Variants in ZNF567 observed in about 807,000 individuals in gnomAD.
ZNF567 encodes the protein zinc finger protein 567.
In ZNF567, 36 loss-of-function variants were observed where a neutral mutation model predicts 53.9. The ratio of observed to expected loss-of-function variants is 0.67; its 90% confidence interval spans 0.51 to 0.88. The LOEUF (loss-of-function observed/expected upper bound fraction) is 0.88. ZNF567 is among the 40% of genes least tolerant of loss of function. The pLI is 0.00. For synonymous variants in ZNF567, 224 were observed against 260.4 expected (o/e 0.86, Z 1.35); for missense variants, 619 against 764.7 (o/e 0.81, Z 2.25).
intron 3 of ZNF567, among the ~76,000 whole-genome samples, chr19:36,699,037 G>T (rs1392783160): frequency 6.6e-6 from 1 of 152,046 alleles, no homozygotes; most frequent in African/African-American, 2.4e-5. Context: ...TTTTCTTCTA[G>T]GGTTTTTATG....
the ZNF567 span, among the ~76,000 whole-genome samples, chr19:36,677,638 G>A: frequency 2.7e-5 from 4 of 150,514 alleles, no homozygotes; most frequent in Admixed American, 1.3e-4. Flanking sequence ...ATGGTGGTGC[G>A]CGCCTGTAGT....
chr19:36,717,875 AC>A (rs1432078476), intron 5 of ZNF567, among the ~76,000 whole-genome samples: 3 of 152,234 alleles, frequency 2.0e-5, no homozygotes, highest in Non-Finnish European at 4.4e-5. Flanking sequence ...CCAGTCTTAA[AC>A]CTGGAAAAGT....
intron 2 of ZNF567, among the ~76,000 whole-genome samples, chr19:36,693,145 G>T (rs186075679): frequency 1.3e-5 from 2 of 151,976 alleles, no homozygotes; most frequent in East Asian, 3.9e-4. Flanking sequence ...AAAGTTAGCC[G>T]GTCTTGATGG....
At chr19:36,701,893 T>C (rs1174170026) in intron 3 of ZNF567, among the ~76,000 whole-genome samples, 1 of 150,808 alleles carries the variant, frequency 6.6e-6, no homozygotes, top group African/African-American at 2.4e-5. Context: ...CCAGTCTGTG[T>C]CTTTTAATTG....
intron 2 of ZNF567, among the ~76,000 whole-genome samples, chr19:36,690,368 G>A (rs2038535278): frequency 6.6e-6 from 1 of 152,130 alleles, no homozygotes; most frequent in Non-Finnish European, 1.5e-5. Flanking sequence ...TGAGGTGTGT[G>A]CACTGCTTGA....
the ZNF567 span, among the ~76,000 whole-genome samples, chr19:36,679,375 G>A: frequency 1.3e-5 from 2 of 152,324 alleles, no homozygotes; most frequent in South Asian, 4.1e-4. Context: ...TGGTGAGGAT[G>A]TAGAGAAAAG....
chr19:36,717,010 G>T (rs1401962405), intron 5 of ZNF567, among the ~76,000 whole-genome samples: 1 of 151,936 alleles, frequency 6.6e-6, no homozygotes, highest in Non-Finnish European at 1.5e-5. Context: ...TGTATTTTTA[G>T]TAGGGACAGT....
At chr19:36,668,323 C>T in the ZNF567 span, 1 of 152,298 alleles carries the variant, frequency 6.6e-6, no homozygotes, top group African/African-American at 2.4e-5. Context: ...CGCCGCCACT[C>T]CCGCAGTGGC....
At chr19:36,724,516 C>T (rs1212519549), downstream of ZNF567, among the ~76,000 whole-genome samples, 1 of 151,546 alleles carries the variant, frequency 6.6e-6, no homozygotes. Flanking sequence ...AACCCCATCT[C>T]TACTAAAAAT....
chr19:36,698,222 A>G (rs1170031207), intron 3 of ZNF567, among the ~76,000 whole-genome samples: 7 of 151,704 alleles, frequency 4.6e-5, no homozygotes, highest in Non-Finnish European at 8.8e-5. Context: ...ATGATTTCCA[A>G]TTTCATCCAT....
intron 5 of ZNF567, among the ~76,000 whole-genome samples, chr19:36,717,816 A>T (rs1467496984): frequency 6.6e-6 from 1 of 152,202 alleles, no homozygotes; most frequent in Non-Finnish European, 1.5e-5. Context: ...GATCTACCAT[A>T]TGAAAAACTG....
intron 3 of ZNF567, among the ~76,000 whole-genome samples, 154 bp downstream of exon 3, chr19:36,695,030 C>A (rs2145605549): frequency 6.6e-6 from 1 of 151,356 alleles, no homozygotes; most frequent in East Asian, 2.0e-4. Flanking sequence ...TCAGATAAGA[C>A]TCTACCTTCC....
chr19:36,712,792 A>G lies in ZNF567; in HGVS notation c.148A>G (p.Thr50Ala). The G allele has an allele frequency of 6.2e-7, 1 of 1,613,884 alleles. No homozygotes were observed. The highest frequency in any genetic ancestry group is 1.7e-4 in the Middle Eastern group (1 of 6,058). Residue 50 changes from threonine (T) to alanine (A), a missense_variant, in exon 5 of 6, where the codon ACC (threonine) becomes GCC (alanine). Thr to Ala is a moderately conservative substitution (Grantham distance 58). Coordinates refer to ENST00000682579, the MANE Select transcript of ZNF567 (RefSeq NM_001322917.1). ...TTTTCACTTTTCAGGGTGTCACATG[A>G]CCAAACCTGATGTGATCCTCAAGTT... ...CHLISVGCHMTKPDVILKLER... is the reference protein window; with the variant it reads ...CHLISVGCHMAKPDVILKLER...
chr19:36,676,361 C>T, the ZNF567 span, among the ~76,000 whole-genome samples: 1 of 138,668 alleles, frequency 7.2e-6, no homozygotes, highest in Non-Finnish European at 1.6e-5. Context: ...CCACTGCACC[C>T]AACCAACTTT....
intron 5 of ZNF567, among the ~76,000 whole-genome samples, chr19:36,715,152 C>CTATT (rs996105853): frequency 5.1e-4 from 77 of 151,882 alleles, no homozygotes; most frequent in African/African-American, 1.5e-3. Context: ...TTTTTCCCCA[C>CTATT]TATTTATTTA....
intron 3 of ZNF567, among the ~76,000 whole-genome samples, chr19:36,707,884 TAATC>T (rs1397561662): frequency 6.6e-6 from 1 of 152,164 alleles, no homozygotes; most frequent in Non-Finnish European, 1.5e-5. Context: ...CGGCCTATAA[TAATC>T]CTGTTTTAAC....
chr19:36,674,190 G>T, the ZNF567 span, among the ~76,000 whole-genome samples: 3 of 152,160 alleles, frequency 2.0e-5, no homozygotes, highest in African/African-American at 7.2e-5. Context: ...GAGACAAATT[G>T]TCCTAGAAGT....
intron 3 of ZNF567, among the ~76,000 whole-genome samples, chr19:36,697,032 A>T (rs1031511968): frequency 2.0e-5 from 3 of 152,222 alleles, no homozygotes; most frequent in Admixed American, 2.0e-4. Flanking sequence ...GAATGTATAT[A>T]GACATTTCAT....
At chr19:36,673,939 AACT>A in the ZNF567 span, among the ~76,000 whole-genome samples, 2 of 152,146 alleles carry the variant, frequency 1.3e-5, no homozygotes, top group Admixed American at 1.3e-4. Context: ...CTCAGTCTTT[AACT>A]ATTAGATTAC....
Sources: gnomAD v4.1 joint callset for allele counts (sites outside exome capture counted in the v4.1 genomes callset) on GRCh38, gnomAD v4.1.1 for gene constraint, MANE v1.5 for transcripts, NCBI Gene and HGNC (gene_info 2026-07-23, HGNC 2026-07-21) for gene names.